MCPH1: variants seen among roughly 807,000 people sequenced by gnomAD.
MCPH1 encodes microcephalin 1, also known as microcephalin.
Under a neutral mutation model 84.5 loss-of-function variants are expected in MCPH1, and 104 were observed. That is an observed-to-expected ratio of 1.23 (90% confidence interval 1.05 to 1.45). The LOEUF is 1.45. Ranked by LOEUF, MCPH1 falls within the 40% of genes most tolerant of loss-of-function variation. The pLI is 0.00. For synonymous variants in MCPH1, 514 were observed against 366.8 expected, an observed-to-expected ratio of 1.40 and a Z score of -4.58; for missense variants, 1,498 against 1,005.7, an observed-to-expected ratio of 1.49 and a Z score of -6.62.
At chr8:6,516,273 T>G (rs1816246926) in intron 12 of MCPH1, among the ~76,000 whole-genome samples, 1 of 152,242 alleles carries the variant, frequency 6.6e-6, no homozygotes, top group Non-Finnish European at 1.5e-5. Flanking sequence ...CCAAGTACTC[T>G]GCCAGATACT....
At chr8:6,614,301 A>G (rs1261110749) in intron 12 of MCPH1, among the ~76,000 whole-genome samples, 1 of 152,192 alleles carries the variant, frequency 6.6e-6, no homozygotes, top group Non-Finnish European at 1.5e-5. Flanking sequence ...CAGGTGCCCC[A>G]GGTTTCAGAT....
intron 12 of MCPH1, among the ~76,000 whole-genome samples, chr8:6,613,131 G>GCAGGTGC (rs1201299893): frequency 1.3e-5 from 2 of 152,214 alleles, no homozygotes; most frequent in African/African-American, 4.8e-5. Context: ...CAGGCCTGCA[G>GCAGGTGC]CAGGTGCCGG....
intron 12 of MCPH1, among the ~76,000 whole-genome samples, chr8:6,505,708 CGT>C (rs1813477379): frequency 7.9e-6 from 1 of 126,972 alleles, no homozygotes; most frequent in Non-Finnish European, 1.6e-5. Flanking sequence ...TTCTTTATTA[CGT>C]ATATATATTC....
At chr8:6,552,820 T>C (rs1823889943) in intron 12 of MCPH1, among the ~76,000 whole-genome samples, 1 of 152,032 alleles carries the variant, frequency 6.6e-6, no homozygotes. Context: ...TCCTGCTTTT[T>C]TTTTTTTAAC....
At position 6,546,340 on chromosome 8, in the gene MCPH1, G is replaced by C. The variant is rs536810410; in HGVS notation, c.2214+46411G>C. 5.3e-5 allele frequency among the ~76,000 whole-genome samples: 8 copies of C among 152,322 alleles called. No homozygotes were observed. The South Asian group carries it at 1.2e-3, about 24-fold the overall frequency. On this transcript the variant is annotated intron_variant, in intron 12 of 13. Transcript: ENST00000344683. ...GCAGTTCACCGTTTCAACAGTATCA[G>C]CTTGTACCTCTGTAAAGCTAGGTTT...
chr8:6,561,160 A>G (rs1825476692), intron 12 of MCPH1, among the ~76,000 whole-genome samples: 2 of 152,226 alleles, frequency 1.3e-5, no homozygotes, highest in African/African-American at 4.8e-5. Flanking sequence ...AATTATTCAC[A>G]CAGCTATGAA....
chr8:6,598,630 C>A (rs1158065326), intron 12 of MCPH1, among the ~76,000 whole-genome samples: 2 of 152,222 alleles, frequency 1.3e-5, no homozygotes, highest in Non-Finnish European at 2.9e-5. Context: ...TTCCCCCAAG[C>A]GACCCCAATG....
In MCPH1 at chr8:6,555,436, A is replaced by G. The variant is rs187926067; in HGVS notation, c.2214+55507A>G. ...ATGTATACTTCCTCTTGGTTATAAC[A>G]TAATTTGTTTTACGGGGGGTGGTTT... is the stretch of plus-strand genomic sequence containing the variant. On this transcript the variant is annotated intron_variant, in intron 12 of 13. Transcript: ENST00000344683. Among the ~76,000 whole-genome samples the G allele has an allele frequency of 6.6e-4, 100 of 150,828 alleles. 1 individual carries two copies. Among genetic ancestry groups the G allele is most frequent in the Non-Finnish European group, 2.1e-4 (14 of 67,898 alleles).
chr8:6,499,066 T>TTAAATAAATAAATAAA (rs150879047), intron 11 of MCPH1, among the ~76,000 whole-genome samples: 4 of 148,088 alleles, frequency 2.7e-5, no homozygotes, highest in South Asian at 2.2e-4. Context: ...AATAAATAAA[T>TTAAATAAATAAATAAA]TAAATAAATA....
At chr8:6,468,520 C>T (rs1807283278) in intron 9 of MCPH1, among the ~76,000 whole-genome samples, 1 of 152,156 alleles carries the variant, frequency 6.6e-6, no homozygotes, top group Non-Finnish European at 1.5e-5. Flanking sequence ...GTGTAGACCC[C>T]ATGGGAGCTT....
At chr8:6,407,005 G>A in intron 1 of MCPH1, 1 of 367,440 alleles carries the variant, frequency 2.7e-6, no homozygotes, top group South Asian at 2.3e-5. Context: ...CCCCCGTGCT[G>A]CTAGTTCCCC....
intron 11 of MCPH1, chr8:6,494,045 A>C (rs1810962659): frequency 6.6e-6 from 1 of 152,092 alleles, no homozygotes; most frequent in Admixed American, 6.5e-5. Context: ...GGCTCAAGCA[A>C]TTCTTGTGCC....
intron 12 of MCPH1, among the ~76,000 whole-genome samples, chr8:6,548,965 C>G (rs1823094916): frequency 6.6e-6 from 1 of 152,200 alleles, no homozygotes. Flanking sequence ...TTATGTTTAA[C>G]CAGTACTTAA....
At chr8:6,480,164 C>A (rs545690393) in intron 10 of MCPH1, among the ~76,000 whole-genome samples, 3 of 150,400 alleles carry the variant, frequency 2.0e-5, no homozygotes, top group African/African-American at 7.3e-5. Flanking sequence ...CTCCCTGTCG[C>A]CCAGGCTGGA....
chr8:6,437,728 C>T (rs544145624), intron 5 of MCPH1, among the ~76,000 whole-genome samples: 3 of 152,308 alleles, frequency 2.0e-5, no homozygotes, highest in South Asian at 2.1e-4. Context: ...AAGCCAGAAA[C>T]GTGCAATCGT....
chr8:6,523,839 G>A (rs1279404083), intron 12 of MCPH1, among the ~76,000 whole-genome samples: 3 of 150,770 alleles, frequency 2.0e-5, no homozygotes, highest in East Asian at 3.9e-4. Flanking sequence ...CGTCCACCTC[G>A]GCCTTCCAAA....
chr8:6,535,986 G>T (rs1337605403), intron 12 of MCPH1, among the ~76,000 whole-genome samples: 2 of 152,148 alleles, frequency 1.3e-5, no homozygotes, highest in Admixed American at 1.3e-4. Flanking sequence ...GAGCCCAGGA[G>T]AGCAAGGCTG....
At chr8:6,593,464 C>T (rs1163459565) in intron 12 of MCPH1, among the ~76,000 whole-genome samples, 4 of 152,206 alleles carry the variant, frequency 2.6e-5, no homozygotes, top group Non-Finnish European at 2.9e-5. Context: ...AAGTGATTCT[C>T]CTGCCTCAGC....
intron 12 of MCPH1, 124 bp from the exon 13 acceptor site, chr8:6,621,330 G>T: frequency 8.2e-7 from 1 of 1,217,282 alleles, no homozygotes; most frequent in South Asian, 1.3e-5. Flanking sequence ...ATTCACAGGA[G>T]CATGGCAGCC....
Sources: gnomAD v4.1 joint callset for allele counts (sites outside exome capture counted in the v4.1 genomes callset) on GRCh38, gnomAD v4.1.1 for gene constraint, MANE v1.5 for transcripts, NCBI Gene and HGNC (gene_info 2026-07-23, HGNC 2026-07-21) for gene names.